Variants in CDK18 observed in about 807,000 individuals in gnomAD.
CDK18 encodes cyclin-dependent kinase 18.
A neutral mutation model predicts 62.0 loss-of-function variants in CDK18; 52 were observed. That is an observed-to-expected ratio of 0.84 (90% CI 0.67 to 1.06). The LOEUF (loss-of-function observed/expected upper bound fraction) is 1.06, where lower values mean the gene tolerates loss of function less well. Ranked by LOEUF, CDK18 falls within the 50% of genes least tolerant of loss-of-function variation. CDK18 has a pLI of 0.00. For missense variants in CDK18, 604 were observed against 619.9 expected (o/e 0.97, Z 0.27); for synonymous variants, 237 against 247.0 (o/e 0.96, Z 0.38).
chr1:205,513,818 A>G (rs1105822), intron 1 of CDK18, among the ~76,000 whole-genome samples: 9,440 of 152,124 alleles, frequency 0.062, 404 homozygotes, highest in Non-Finnish European at 0.091. Flanking sequence ...ATTCCAGTCC[A>G]CCCCTCACTG....
Position 205,528,959 on chromosome 1 carries a change from G to A in CDK18, c.975-40G>A, listed in dbSNP as rs373922103. 9 of 1,400,492 alleles carry A rather than the reference G, an allele frequency of 6.4e-6. No individual in the cohort carries two copies. Among genetic ancestry groups the A allele is most frequent in the African/African-American group, 5.7e-5 (4 of 70,116 alleles). 86.8% of individuals were successfully genotyped at this position (1,400,492 alleles called of 1,614,324 possible). A position where few individuals can be genotyped will look rare whatever the true frequency, so the allele number is the denominator to read the frequency against. ...TGGAGCAGCCCTAGGAAGGGCGGCC[G>A]CCCCTGCCTGATGCCGACCCTACCC... On this transcript the variant is annotated intron_variant, in intron 10 of 15. Transcript: ENST00000429964. The surrounding 1 kb of genome is among the most constrained non-coding windows in gnomAD (Gnocchi z 4.2).
chr1:205,509,471 C>A (rs1667465691), intron 1 of CDK18, among the ~76,000 whole-genome samples: 1 of 152,140 alleles, frequency 6.6e-6, no homozygotes, highest in Non-Finnish European at 1.5e-5. Context: ...GGGGTCAGTT[C>A]AGATTCTGCC....
In CDK18 at chr1:205,529,107, C is replaced by G. The variant is rs1286837466; in HGVS notation, c.1072+11C>G. The G allele has an allele frequency of 1.3e-6, 2 of 1,562,568 alleles. No individual in the cohort carries two copies. The highest frequency in any genetic ancestry group is 1.7e-6 in the Non-Finnish European group (2 of 1,151,402). On this transcript the variant is annotated intron_variant, in intron 11 of 15. Coordinates refer to ENST00000429964, the MANE Select transcript of CDK18 (RefSeq NM_212502.3). Reference sequence around the variant, plus strand: ...TCTTTCGCCTCCTCGGTCAGTCTCCCGCTGCTCCGTCCCTCTCACCACCAG... The same window carrying G: ...TCTTTCGCCTCCTCGGTCAGTCTCCGGCTGCTCCGTCCCTCTCACCACCAG...
chr1:205,510,071 C>A (rs1667493546), intron 1 of CDK18, among the ~76,000 whole-genome samples: 1 of 149,610 alleles, frequency 6.7e-6, no homozygotes, highest in South Asian at 2.1e-4. Flanking sequence ...CAGAGCAAGA[C>A]TTTGTCTCAA....
At chr1:205,509,764 A>G (rs1667477714) in intron 1 of CDK18, among the ~76,000 whole-genome samples, 1 of 152,026 alleles carries the variant, frequency 6.6e-6, no homozygotes, top group African/African-American at 2.4e-5. Flanking sequence ...CAGCCCCCAA[A>G]TTGGGAAGAG....
Position 205,526,134 on chromosome 1 carries a change from C to A in CDK18, c.526C>A (p.Arg176=), listed in dbSNP as rs768810662. ...GAACCTTGTGGCCCTGAAAGAGATC[C>A]GGCTGGAGCACGAGGAGGGAGCGCC... The part of the protein sequence containing the change: ...TENLVALKEI[R]LEHEEGAPCT... Residue 176 remains arginine (R), a synonymous_variant, in exon 6 of 16, where the codon CGG becomes AGG. Coordinates refer to ENST00000429964, the MANE Select transcript of CDK18 (RefSeq NM_212502.3). 3 of 1,613,964 alleles carry A rather than the reference C, an allele frequency of 1.9e-6. No homozygotes were observed. Among genetic ancestry groups the A allele is most frequent in the Non-Finnish European group, 1.7e-6 (2 of 1,179,990 alleles).
intron 1 of CDK18, among the ~76,000 whole-genome samples, chr1:205,514,050 C>T (rs1472784538): frequency 6.6e-6 from 1 of 152,244 alleles, no homozygotes; most frequent in Non-Finnish European, 1.5e-5. Flanking sequence ...TTGGGTCAGG[C>T]TCTGGGGGTG....
intron 1 of CDK18, among the ~76,000 whole-genome samples, chr1:205,507,660 A>G (rs1667377791): frequency 1.3e-5 from 2 of 150,766 alleles, no homozygotes; most frequent in Admixed American, 6.6e-5. Flanking sequence ...AAAAAAAAAA[A>G]AAATAATGCA....
Position 205,529,340 on chromosome 1 carries a change from G to T in CDK18, c.1089G>T (p.Glu363Asp). 1 of 1,613,836 alleles carries T rather than the reference G, an allele frequency of 6.2e-7. No individual in the cohort carries two copies. The highest frequency in any genetic ancestry group is 1.1e-5 in the South Asian group (1 of 91,040). Residue 363 changes from glutamate (E) to aspartate (D), a missense_variant, in exon 12 of 16, where the codon GAG (glutamate) becomes GAT (aspartate). Glu to Asp is a conservative substitution (Grantham distance 45). Coordinates refer to ENST00000429964, the MANE Select transcript of CDK18 (RefSeq NM_212502.3). Reference sequence around the variant, plus strand: ...TCTCCCCAGGGACCCCCACAGAAGAGACGTGGCCCGGCGTGACCGCCTTCT... The same window carrying T: ...TCTCCCCAGGGACCCCCACAGAAGATACGTGGCCCGGCGTGACCGCCTTCT... ...IFRLLGTPTE[E>D]TWPGVTAFSE...
chr1:205,525,072 G>A, intron 4 of CDK18, 67 bp from the exon 5 acceptor site: 2 of 1,028,656 alleles, frequency 1.9e-6, no homozygotes, highest in South Asian at 1.4e-5. Context: ...GGAGTTGGGG[G>A]AGGCGTCATG....
chr1:205,529,192 G>A, intron 11 of CDK18, 96 bp downstream of exon 11: 1 of 1,351,654 alleles, frequency 7.4e-7, no homozygotes, highest in Non-Finnish European at 1.0e-6. Flanking sequence ...CGGCTCGGCC[G>A]CCTCTCTCCC....
At chr1:205,519,924 C>A (rs1668030512) in intron 1 of CDK18, among the ~76,000 whole-genome samples, 1 of 152,154 alleles carries the variant, frequency 6.6e-6, no homozygotes, top group South Asian at 2.1e-4. Flanking sequence ...CCCATAAATC[C>A]CAGACTGCAG....
At chr1:205,510,364 C>T (rs369439499) in intron 1 of CDK18, among the ~76,000 whole-genome samples, 36 of 152,236 alleles carry the variant, frequency 2.4e-4, no homozygotes, top group East Asian at 2.3e-3. Context: ...AGCAGGTGGG[C>T]GGTAGGTGTT....
At position 205,531,409 on chromosome 1, in the gene CDK18, A is replaced by T. The variant is rs764152671; in HGVS notation, c.*31A>T. Reference sequence around the variant, plus strand: ...GCCCACCTTGCTGTGGCCAAGGGACAAGAGATCACATGGAGCACAAATTCG... The same window carrying T: ...GCCCACCTTGCTGTGGCCAAGGGACTAGAGATCACATGGAGCACAAATTCG... On this transcript the variant is annotated 3_prime_UTR_variant, in exon 16 of 16. Coordinates refer to ENST00000429964, the MANE Select transcript of CDK18 (RefSeq NM_212502.3). 2 of 1,605,494 alleles carry T rather than the reference A, an allele frequency of 1.2e-6. No individual in the cohort carries two copies. Among genetic ancestry groups the T allele is most frequent in the Non-Finnish European group, 8.5e-7 (1 of 1,172,142 alleles).
intron 5 of CDK18, 94 bp downstream of exon 5, chr1:205,525,289 C>T (rs902399893): frequency 2.4e-6 from 2 of 842,548 alleles, no homozygotes; most frequent in Non-Finnish European, 3.8e-6. Flanking sequence ...GGTCGGCCCT[C>T]TCTGGTTGGC....
intron 1 of CDK18, among the ~76,000 whole-genome samples, chr1:205,509,140 A>C (rs941263228): frequency 6.6e-6 from 1 of 152,128 alleles, no homozygotes; most frequent in African/African-American, 2.4e-5. Flanking sequence ...GAAACAAAAC[A>C]AAACAAAACA....
chr1:205,527,567 G>T lies in CDK18; in HGVS notation c.730-227G>T, dbSNP rs771571070. On this transcript the variant is annotated intron_variant, in intron 8 of 15. Transcript: ENST00000429964. The surrounding 1 kb of genome is among the most constrained non-coding windows in gnomAD (Gnocchi z 4.1). Reference sequence around the variant, plus strand: ...CCCCCGTGCTCCTGACTGAGACTTCGCTGGCCTCCCCCACACTCACTGCGT... The same window carrying T: ...CCCCCGTGCTCCTGACTGAGACTTCTCTGGCCTCCCCCACACTCACTGCGT... The T allele has an allele frequency of 6.7e-5, 34 of 506,346 alleles. No individual in the cohort carries two copies. Among genetic ancestry groups the T allele is most frequent in the African/African-American group, 5.8e-4 (30 of 51,940 alleles). The allele number at this position is 506,346 out of a possible 1,614,324, so 31.4% of individuals were successfully genotyped here. A position where few individuals can be genotyped will look rare whatever the true frequency, so the allele number is the denominator to read the frequency against.
At chr1:205,524,102 C>A in intron 3 of CDK18, 130 bp from the exon 4 acceptor site, 1 of 1,090,070 alleles carries the variant, frequency 9.2e-7, no homozygotes, top group Non-Finnish European at 1.4e-6. Context: ...CCTGGGGTCA[C>A]AGCCTGTGAT....
intron 1 of CDK18, among the ~76,000 whole-genome samples, chr1:205,518,420 G>A (rs1575058220): frequency 6.6e-6 from 1 of 152,150 alleles, no homozygotes; most frequent in Admixed American, 6.5e-5. Context: ...GTTTTATCAC[G>A]TCATTGCGAT....
Sources: allele counts gnomAD v4.1 joint callset (sites outside exome capture counted in the v4.1 genomes callset), GRCh38; gene constraint gnomAD v4.1.1; non-coding constraint Gnocchi (gnomAD v3.1); transcripts MANE v1.5; gene names NCBI Gene and HGNC (gene_info 2026-07-23, HGNC 2026-07-21).